The following TAMM41 variants were observed in gnomAD, a reference collection of about 807,000 sequenced individuals.
TAMM41 encodes the protein phosphatidate cytidylyltransferase, mitochondrial.
Under a neutral mutation model 44.1 loss-of-function variants are expected in TAMM41, and 36 were observed. That is an observed-to-expected ratio of 0.82 (90% CI 0.63 to 1.08). The LOEUF (loss-of-function observed/expected upper bound fraction) is 1.08, where lower values mean the gene tolerates loss of function less well. Ranked by LOEUF, TAMM41 falls within the 50% of genes least tolerant of loss-of-function variation. The probability of loss-of-function intolerance (pLI) is 0.00; values close to 1 mark genes in which losing one functional copy is unlikely to be tolerated. For missense variants in TAMM41, 417 were observed against 404.3 expected (o/e 1.03, Z -0.27); for synonymous variants, 164 against 153.1 (o/e 1.07, Z -0.53).
intron 3 of TAMM41, among the ~76,000 whole-genome samples, chr3:11,836,622 C>A (rs1253844097): frequency 6.6e-6 from 1 of 152,170 alleles, no homozygotes; most frequent in Admixed American, 6.6e-5. Flanking sequence ...TGCCACCACG[C>A]CTGGCTAATT....
intron 7 of TAMM41, among the ~76,000 whole-genome samples, chr3:11,793,127 A>G (rs545451773): frequency 1.5e-4 from 23 of 151,872 alleles, no homozygotes; most frequent in Admixed American, 1.2e-3. Flanking sequence ...TTTTGACATC[A>G]CATGTATCCA....
At chr3:11,793,255 A>T (rs759967791) in intron 7 of TAMM41, among the ~76,000 whole-genome samples, 1 of 152,116 alleles carries the variant, frequency 6.6e-6, no homozygotes, top group African/African-American at 2.4e-5. Context: ...CCAAATAAAC[A>T]AATGAAAAAT....
At chr3:11,794,913 C>T (rs951549275) in intron 7 of TAMM41, among the ~76,000 whole-genome samples, 12 of 152,120 alleles carry the variant, frequency 7.9e-5, no homozygotes, top group African/African-American at 2.4e-4. Flanking sequence ...GCAGATATAT[C>T]GACAAAGAAA....
At chr3:11,754,241 CCT>C in the TAMM41 span, among the ~76,000 whole-genome samples, 1 of 152,180 alleles carries the variant, frequency 6.6e-6, no homozygotes, top group African/African-American at 2.4e-5. Flanking sequence ...TCCTCCACTC[CCT>C]GTGTCTCCAG....
chr3:11,754,531 A>AT, the TAMM41 span, among the ~76,000 whole-genome samples: 6 of 116,528 alleles, frequency 5.1e-5, no homozygotes, highest in South Asian at 2.8e-4. Flanking sequence ...CGTCTGGCTG[A>AT]TTTTTAAAAA....
the TAMM41 span, among the ~76,000 whole-genome samples, chr3:11,748,910 GA>G: frequency 1.3e-5 from 1 of 77,416 alleles, no homozygotes; most frequent in Non-Finnish European, 2.6e-5. Context: ...CTGGGAAGTA[GA>G]TTTTTTTTTT....
At chr3:11,826,307 G>A (rs557923723) in intron 4 of TAMM41, among the ~76,000 whole-genome samples, 1 of 152,284 alleles carries the variant, frequency 6.6e-6, no homozygotes, top group Admixed American at 6.5e-5. Flanking sequence ...GCCGAGGCGG[G>A]AGGATCGTTT....
At position 11,798,292 on chromosome 3, in the gene TAMM41, T is replaced by G. The variant is rs371967885; in HGVS notation, c.938-7711A>C. Reference sequence around the variant, plus strand: ...GACTGCATAAAGAAAACGTGGTACATATACACCATGGAATACTATGCAGCC... The same window carrying G: ...GACTGCATAAAGAAAACGTGGTACAGATACACCATGGAATACTATGCAGCC... On this transcript the variant is annotated intron_variant, in intron 7 of 7. Coordinates refer to ENST00000455809, the MANE Select transcript of TAMM41 (RefSeq NM_001284401.2). Among the ~76,000 whole-genome samples the G allele has an allele frequency of 2.1e-3, 319 of 152,268 alleles. 1 individual carries two copies. The highest frequency in any genetic ancestry group is 0.019 in the South Asian group (90 of 4,824).
Position 11,846,487 on chromosome 3 carries a change from G to A in TAMM41, c.135+15C>T, listed in dbSNP as rs761994362. On this transcript the variant is annotated intron_variant, in intron 1 of 7. Transcript: ENST00000455809. Reference sequence around the variant, plus strand: ...AGAACAGACAGTTCCCCGTCGTGGGGCTGCCCGGGCTCACCTTCTGGTCTG... The same window carrying A: ...AGAACAGACAGTTCCCCGTCGTGGGACTGCCCGGGCTCACCTTCTGGTCTG... 7 of 1,614,026 alleles carry A rather than the reference G, an allele frequency of 4.3e-6. No homozygotes were observed. In the East Asian group the frequency reaches 1.1e-4, roughly 26 times the overall value.
intron 2 of TAMM41, among the ~76,000 whole-genome samples, chr3:11,839,854 T>G (rs1401336757): frequency 6.6e-6 from 1 of 152,184 alleles, no homozygotes; most frequent in South Asian, 2.1e-4. Context: ...TCAGGAGACA[T>G]GTGTCCAGAG....
At chr3:11,768,813 C>T in the TAMM41 span, among the ~76,000 whole-genome samples, 42 of 152,250 alleles carry the variant, frequency 2.8e-4, no homozygotes, top group East Asian at 7.7e-3. Flanking sequence ...TATGTCATTG[C>T]GGTCGCAGAT....
At chr3:11,822,388 T>C (rs1239697176) in intron 4 of TAMM41, among the ~76,000 whole-genome samples, 1 of 152,214 alleles carries the variant, frequency 6.6e-6, no homozygotes, top group Non-Finnish European at 1.5e-5. Context: ...TGTACAATCA[T>C]CTCTCCAATC....
Position 11,844,091 on chromosome 3 carries a change from A to G in TAMM41, c.256T>C (p.Ser86Pro), listed in dbSNP as rs199871047. ...CCAGCGCCATAGTTATTCTGGATGG[A>G]CGTGATAATCTTGGGCCCTAAAACT... ...LKVLGPKIITSIQNNYGAGVY... is the reference protein window; with the variant it reads ...LKVLGPKIITPIQNNYGAGVY... The change falls in exon 2 of 8, where the codon TCC (serine) becomes CCC (proline). Residue 86 changes from serine (S) to proline (P), a missense_variant. Coordinates refer to ENST00000455809, the MANE Select transcript of TAMM41 (RefSeq NM_001284401.2). 66 of 1,614,096 alleles carry G rather than the reference A, an allele frequency of 4.1e-5. No homozygotes were observed. The highest frequency in any genetic ancestry group is 2.4e-5 in the Non-Finnish European group (28 of 1,180,028).
intron 7 of TAMM41, among the ~76,000 whole-genome samples, chr3:11,805,011 T>TGTG (rs1312003080): frequency 3.1e-4 from 36 of 116,412 alleles, no homozygotes; most frequent in African/African-American, 1.5e-3. Context: ...TTTTTTTTTT[T>TGTG]TTTTTTTTTT....
the TAMM41 span, among the ~76,000 whole-genome samples, chr3:11,759,772 G>A: frequency 3.9e-5 from 6 of 152,062 alleles, no homozygotes; most frequent in Admixed American, 6.6e-5. Flanking sequence ...TCAGGAGTCC[G>A]AGACTAGCCT....
chr3:11,839,553 G>T (rs568007273), intron 2 of TAMM41, among the ~76,000 whole-genome samples: 1 of 152,296 alleles, frequency 6.6e-6, no homozygotes, highest in South Asian at 2.1e-4. Context: ...GTCTTCACAA[G>T]ATTATAACAG....
intron 3 of TAMM41, among the ~76,000 whole-genome samples, chr3:11,833,469 A>G (rs1179606801): frequency 6.6e-6 from 1 of 152,160 alleles, no homozygotes; most frequent in East Asian, 1.9e-4. Context: ...GCCCACCAGA[A>G]CTTTTCCATT....
chr3:11,724,479 A>G, the TAMM41 span, among the ~76,000 whole-genome samples: 1 of 141,170 alleles, frequency 7.1e-6, no homozygotes, highest in South Asian at 2.3e-4. Flanking sequence ...GCAGTGGCAT[A>G]ATCTCAGCTC....
the TAMM41 span, among the ~76,000 whole-genome samples, chr3:11,767,372 G>T: frequency 6.6e-6 from 1 of 151,832 alleles, no homozygotes; most frequent in African/African-American, 2.4e-5. Flanking sequence ...TCCAGCCAGG[G>T]TACTTATCTT....
Sources: allele counts gnomAD v4.1 joint callset (sites outside exome capture counted in the v4.1 genomes callset), GRCh38; gene constraint gnomAD v4.1.1; transcripts MANE v1.5; gene names NCBI Gene and HGNC (gene_info 2026-07-23, HGNC 2026-07-21).